The following SEC24B variants were observed in gnomAD, a reference collection of about 807,000 sequenced individuals.
SEC24B encodes the protein protein transport protein Sec24B.
SEC24B carries 45 observed loss-of-function variants against 142.8 expected under a neutral mutation model. That is an observed-to-expected ratio of 0.32 (90% CI 0.25 to 0.40). The LOEUF (loss-of-function observed/expected upper bound fraction) is 0.40, where lower values mean the gene tolerates loss of function less well. Among genes scored for constraint, SEC24B ranks in the 10% least tolerant of loss-of-function variants. The pLI is 1.00. For synonymous variants in SEC24B, 574 were observed against 568.2 expected, an observed-to-expected ratio of 1.01 and a Z score of -0.15; for missense variants, 1,409 against 1,526.8, an observed-to-expected ratio of 0.92 and a Z score of 1.29.
chr4:109,487,140 G>A (rs1328249763), intron 4 of SEC24B, among the ~76,000 whole-genome samples: 3 of 144,514 alleles, frequency 2.1e-5, no homozygotes, highest in Non-Finnish European at 4.5e-5. Flanking sequence ...ACTACAGCCT[G>A]AGTGACAAGA....
At chr4:109,538,401 A>C (rs1242319579) in intron 22 of SEC24B, 92 bp from the exon 23 acceptor site, 10 of 778,742 alleles carry the variant, frequency 1.3e-5, no homozygotes, top group Middle Eastern at 2.4e-4. Context: ...GAGTGCTGGC[A>C]GTTGGGGGTG....
At chr4:109,517,134 A>G (rs1285265945) in intron 11 of SEC24B, among the ~76,000 whole-genome samples, 3 of 152,234 alleles carry the variant, frequency 2.0e-5, no homozygotes, top group Non-Finnish European at 4.4e-5. Context: ...TCCAAAGAAA[A>G]TAAAATCAGT....
chr4:109,473,284 A>G (rs1178099468), intron 3 of SEC24B, 98 bp downstream of exon 3: 4 of 737,352 alleles, frequency 5.4e-6, no homozygotes, highest in Admixed American at 4.0e-5. Flanking sequence ...TCCAAACACA[A>G]CTTTTGGAAT....
At position 109,449,401 on chromosome 4, in the gene SEC24B, T is replaced by C. The variant is rs753128115; in HGVS notation, c.134-13500T>C. The stretch of plus-strand genomic sequence containing the variant: ...ACCATGCCTGGCTAATTTTTCTTTT[T>C]TTTTTTTTTTTGTAGAGACGGGATT... On this transcript the variant is annotated intron_variant, in intron 1 of 23. Coordinates refer to ENST00000265175, the MANE Select transcript of SEC24B (RefSeq NM_006323.5). 2.7e-4 allele frequency: 94 copies of C among 345,916 alleles called. 1 individual carries two copies. The highest frequency in any genetic ancestry group is 1.9e-3 in the South Asian group (87 of 45,818). The allele number at this position is 345,916 out of a possible 1,614,324, so 21.4% of individuals were successfully genotyped here. A position where few individuals can be genotyped will look rare whatever the true frequency, so the allele number is the denominator to read the frequency against.
intron 6 of SEC24B, among the ~76,000 whole-genome samples, chr4:109,502,730 G>A (rs1242585335): frequency 3.8e-4 from 58 of 152,080 alleles, no homozygotes; most frequent in Admixed American, 3.8e-3. Flanking sequence ...AGTGGTTGTT[G>A]GTCAAGTATG....
At chr4:109,527,498 T>G in intron 18 of SEC24B, 66 bp downstream of exon 18, 1 of 1,183,044 alleles carries the variant, frequency 8.5e-7, no homozygotes. Flanking sequence ...GCTTGGCTGG[T>G]GGCAGTGCGT....
chr4:109,539,049 C>T (rs1345636183), intron 23 of SEC24B, among the ~76,000 whole-genome samples: 7 of 152,018 alleles, frequency 4.6e-5, no homozygotes, highest in South Asian at 4.1e-4. Context: ...GCAACCTCTG[C>T]GTCCTGGATT....
chr4:109,497,706 G>T (rs1735674930), intron 6 of SEC24B, among the ~76,000 whole-genome samples: 1 of 152,076 alleles, frequency 6.6e-6, no homozygotes, highest in Non-Finnish European at 1.5e-5. Flanking sequence ...TTGTTTATTT[G>T]TTCTATTGTT....
intron 3 of SEC24B, among the ~76,000 whole-genome samples, chr4:109,477,778 G>A (rs868400466): frequency 2.4e-4 from 37 of 152,114 alleles, no homozygotes; most frequent in African/African-American, 8.7e-4. Context: ...TCACTTGTTG[G>A]TAAATATTTT....
At chr4:109,539,116 C>T (rs1169325164) in intron 23 of SEC24B, among the ~76,000 whole-genome samples, 1 of 152,124 alleles carries the variant, frequency 6.6e-6, no homozygotes, top group Non-Finnish European at 1.5e-5. Context: ...CGCCCACCAC[C>T]ACGCCCAGCT....
chr4:109,488,248 T>C (rs908309233), intron 4 of SEC24B, among the ~76,000 whole-genome samples: 5 of 152,128 alleles, frequency 3.3e-5, no homozygotes. Flanking sequence ...ACTTCATATG[T>C]TTTAGCCTTC....
chr4:109,434,813 A>G (rs926195185), intron 1 of SEC24B, among the ~76,000 whole-genome samples: 1 of 152,202 alleles, frequency 6.6e-6, no homozygotes, highest in African/African-American at 2.4e-5. Context: ...GGGCCTTCAT[A>G]CAGGCAGCAG....
At chr4:109,520,635 T>C (rs988031043) in intron 12 of SEC24B, 151 bp downstream of exon 12, 1 of 644,752 alleles carries the variant, frequency 1.6e-6, no homozygotes, top group Non-Finnish European at 2.8e-6. Flanking sequence ...AAATACTTGA[T>C]TCTAAGTTAT....
At chr4:109,477,858 A>T (rs1692109440) in intron 3 of SEC24B, among the ~76,000 whole-genome samples, 1 of 152,234 alleles carries the variant, frequency 6.6e-6, no homozygotes, top group South Asian at 2.1e-4. Context: ...ACTATATTTT[A>T]TCATGAAAAG....
chr4:109,493,972 A>G (rs1455917223), intron 5 of SEC24B, among the ~76,000 whole-genome samples: 1 of 152,218 alleles, frequency 6.6e-6, no homozygotes, highest in African/African-American at 2.4e-5. Context: ...TTATGGAAAC[A>G]TGCTACTCCT....
At position 109,506,328 on chromosome 4, in the gene SEC24B, C is replaced by G; in HGVS notation, c.1489C>G (p.Gln497Glu). Residue 497 changes from glutamine (Q) to glutamate (E), a missense_variant and splice_region_variant, in exon 7 of 24, where the codon CAG becomes GAG. Coordinates refer to ENST00000265175, the MANE Select transcript of SEC24B (RefSeq NM_006323.5). ...ATTTTGTTTTGAATTGCTCTTTCAG[C>G]AGTATCCTGGTGTGAACCAGCTATC... Reference protein sequence around the residue: ...VYSGFQQYPQQYPGVNQLSSS... With the variant: ...VYSGFQQYPQEYPGVNQLSSS... The G allele has an allele frequency of 2.0e-6, 3 of 1,522,658 alleles. No homozygotes were observed. Among genetic ancestry groups the G allele is most frequent in the Non-Finnish European group, 2.6e-6 (3 of 1,139,816 alleles). The allele number at this position is 1,522,658 out of a possible 1,614,324, so 94.3% of individuals were successfully genotyped here.
intron 2 of SEC24B, among the ~76,000 whole-genome samples, chr4:109,464,077 C>G (rs1261257372): frequency 6.6e-6 from 1 of 152,068 alleles, no homozygotes; most frequent in Non-Finnish European, 1.5e-5. Context: ...CACTGGTTTC[C>G]CCAAGTTAGC....
chr4:109,533,086 G>A (rs1276344574), intron 21 of SEC24B, among the ~76,000 whole-genome samples: 1 of 152,158 alleles, frequency 6.6e-6, no homozygotes, highest in African/African-American at 2.4e-5. Context: ...GAATTTAAAA[G>A]TATTTCAAGA....
intron 3 of SEC24B, among the ~76,000 whole-genome samples, chr4:109,480,989 T>C (rs144713096): frequency 6.6e-6 from 1 of 152,282 alleles, no homozygotes; most frequent in African/African-American, 2.4e-5. Flanking sequence ...ACCAGTCTTA[T>C]TCACCTGTTT....
Sources: allele counts gnomAD v4.1 joint callset (sites outside exome capture counted in the v4.1 genomes callset), GRCh38; gene constraint gnomAD v4.1.1; transcripts MANE v1.5; gene names NCBI Gene and HGNC (gene_info 2026-07-23, HGNC 2026-07-21).